Variants in PAPOLA observed in about 807,000 individuals in gnomAD.
PAPOLA encodes the protein polynucleotide adenylyltransferase alpha.
Under a neutral mutation model 100.6 loss-of-function variants are expected in PAPOLA, and 15 were observed. The ratio of observed to expected loss-of-function variants is 0.15; its 90% CI spans 0.10 to 0.23. PAPOLA has a LOEUF of 0.23. Ranked by LOEUF, PAPOLA falls within the 10% of genes least tolerant of loss-of-function variation. The probability of loss-of-function intolerance (pLI) is 1.00; values close to 1 mark genes in which losing one functional copy is unlikely to be tolerated. For missense variants in PAPOLA, 533 were observed against 884.2 expected, an observed-to-expected ratio of 0.60 and a Z score of 5.04; for synonymous variants, 293 against 300.0, an observed-to-expected ratio of 0.98 and a Z score of 0.24.
rs1343712703 is a variant in PAPOLA, at chr14:96,566,152, G to A, written c.*1102G>A. Reference sequence around the variant, plus strand: ...AAATTGATTTTCAGTTTTAAATGTGGGCAAAAAGGCATTTTCTCCAAGATT... The same window carrying A: ...AAATTGATTTTCAGTTTTAAATGTGAGCAAAAAGGCATTTTCTCCAAGATT... On this transcript the variant is annotated 3_prime_UTR_variant, in exon 22 of 22. Coordinates refer to ENST00000216277, the MANE Select transcript of PAPOLA (RefSeq NM_032632.5). 1.0e-5 allele frequency: 4 copies of A among 381,600 alleles called. No individual in the cohort carries two copies. The highest frequency in any genetic ancestry group is 4.2e-5 in the African/African-American group (2 of 48,118). The allele number at this position is 381,600 out of a possible 1,614,324, so 23.6% of individuals were successfully genotyped here.
intron 14 of PAPOLA, among the ~76,000 whole-genome samples, chr14:96,543,438 C>T (rs1900152412): frequency 6.6e-6 from 1 of 151,936 alleles, no homozygotes; most frequent in Non-Finnish European, 1.5e-5. Context: ...AGACTCTATA[C>T]TTTGTTGCAT....
rs541185605 is a variant in PAPOLA, at chr14:96,544,017, G to A, written c.1290-132G>A. The stretch of plus-strand genomic sequence containing the variant: ...GGTGAGGACTTTGCGTTTTCATGGA[G>A]CTTGGGCTTAGAACTTTTAGTTTGC... On this transcript the variant is annotated intron_variant, in intron 14 of 21. Transcript: ENST00000216277. 4.8e-6 allele frequency: 3 copies of A among 621,902 alleles called. No homozygotes were observed. The South Asian group carries it at 5.9e-5, about 12-fold the overall frequency. 38.5% of individuals were successfully genotyped at this position (621,902 alleles called of 1,614,324 possible).
intron 1 of PAPOLA, among the ~76,000 whole-genome samples, chr14:96,510,411 C>T (rs899761595): frequency 6.8e-6 from 1 of 146,836 alleles, no homozygotes; most frequent in East Asian, 2.0e-4. Flanking sequence ...TAGCAGTGTA[C>T]AATTTGGCTT....
At chr14:96,541,868 A>C (rs888875060) in intron 12 of PAPOLA, 1 of 161,012 alleles carries the variant, frequency 6.2e-6, no homozygotes, top group African/African-American at 2.4e-5. Flanking sequence ...GTCTAAAGCA[A>C]TGGTGTTTTG....
chr14:96,541,601 G>C (rs1899996227), intron 12 of PAPOLA, among the ~76,000 whole-genome samples: 1 of 151,986 alleles, frequency 6.6e-6, no homozygotes, highest in African/African-American at 2.4e-5. Flanking sequence ...GTGAAAACTT[G>C]GCTTTTGTCT....
At chr14:96,518,117 G>A (rs1897620520) in intron 1 of PAPOLA, among the ~76,000 whole-genome samples, 1 of 152,168 alleles carries the variant, frequency 6.6e-6, no homozygotes, top group African/African-American at 2.4e-5. Context: ...ATTTCTGCAA[G>A]AGATAAATCT....
chr14:96,511,582 G>A (rs567675562), intron 1 of PAPOLA, among the ~76,000 whole-genome samples: 3 of 152,052 alleles, frequency 2.0e-5, no homozygotes, highest in Non-Finnish European at 1.5e-5. Context: ...TTCTTTAATG[G>A]TTTTTTTCCC....
intron 1 of PAPOLA, among the ~76,000 whole-genome samples, chr14:96,506,235 T>C (rs1244745467): frequency 6.6e-6 from 1 of 152,114 alleles, no homozygotes; most frequent in Non-Finnish European, 1.5e-5. Flanking sequence ...TGCACACTCA[T>C]AGTTTAAAAA....
At chr14:96,522,116 C>CTTTCTT (rs1898039536) in intron 3 of PAPOLA, among the ~76,000 whole-genome samples, 1 of 57,844 alleles carries the variant, frequency 1.7e-5, no homozygotes, top group Non-Finnish European at 3.2e-5. Context: ...TTCTTTCTTT[C>CTTTCTT]TTTTTTTTTT....
intron 16 of PAPOLA, among the ~76,000 whole-genome samples, chr14:96,551,634 A>G (rs1391116895): frequency 6.6e-6 from 1 of 152,194 alleles, no homozygotes; most frequent in East Asian, 1.9e-4. Context: ...TCTGTAGGTA[A>G]GTGAACACAG....
intron 4 of PAPOLA, chr14:96,527,108 A>G (rs185319980): frequency 2.0e-4 from 52 of 264,330 alleles, no homozygotes; most frequent in Middle Eastern, 2.4e-3. Context: ...GAACATGGCT[A>G]TGACTAATGA....
chr14:96,545,719 A>G (rs1257553815), intron 15 of PAPOLA, among the ~76,000 whole-genome samples: 1 of 152,074 alleles, frequency 6.6e-6, no homozygotes, highest in East Asian at 1.9e-4. Context: ...AAAGATATAT[A>G]GTGTTTCTAG....
At position 96,536,002 on chromosome 14, in the gene PAPOLA, A is replaced by G. The variant is rs1011010274; in HGVS notation, c.1030+3A>G. The stretch of plus-strand genomic sequence containing the variant: ...CATGGTTGAGGAGTTTAAACAAGGT[A>G]AGTGTTTATCCTTATGCTCTGATTT... On this transcript the variant is annotated splice_donor_region_variant and intron_variant, in intron 11 of 21. Transcript: ENST00000216277. The G allele has an allele frequency of 2.5e-6, 4 of 1,596,146 alleles. No homozygotes were observed. The highest frequency in any genetic ancestry group is 3.4e-6 in the Non-Finnish European group (4 of 1,170,698).
chr14:96,541,026 A>T (rs903432299), intron 12 of PAPOLA, among the ~76,000 whole-genome samples: 7 of 152,148 alleles, frequency 4.6e-5, no homozygotes, highest in African/African-American at 1.7e-4. Context: ...AATAGCTGGG[A>T]CTATAGGTGC....
At chr14:96,536,290 C>G (rs1337560025) in intron 11 of PAPOLA, among the ~76,000 whole-genome samples, 2 of 152,038 alleles carry the variant, frequency 1.3e-5, no homozygotes, top group African/African-American at 4.8e-5. Flanking sequence ...TTTGTCTACA[C>G]TGGTTGAAAT....
chr14:96,514,201 C>T (rs1247013029), intron 1 of PAPOLA, among the ~76,000 whole-genome samples: 1 of 143,856 alleles, frequency 7.0e-6, no homozygotes, highest in Non-Finnish European at 1.5e-5. Flanking sequence ...TTTTTTGAGA[C>T]TGAGTCCTGT....
intron 14 of PAPOLA, among the ~76,000 whole-genome samples, chr14:96,543,432 T>A (rs948448569): frequency 6.6e-6 from 1 of 152,072 alleles, no homozygotes; most frequent in Non-Finnish European, 1.5e-5. Context: ...GAGACTAGAC[T>A]CTATACTTTG....
chr14:96,560,440 A>G (rs1232613420), intron 19 of PAPOLA: 1 of 467,580 alleles, frequency 2.1e-6, no homozygotes, highest in African/African-American at 2.0e-5. Context: ...CAGTTTTCCT[A>G]ATGCTCTTTT....
At chr14:96,508,753 T>C (rs187570037) in intron 1 of PAPOLA, among the ~76,000 whole-genome samples, 2 of 152,308 alleles carry the variant, frequency 1.3e-5, no homozygotes, top group African/African-American at 2.4e-5. Flanking sequence ...GTGTGTCTCT[T>C]TTATTCTGTA....
Sources: allele counts gnomAD v4.1 joint callset (sites outside exome capture counted in the v4.1 genomes callset), GRCh38; gene constraint gnomAD v4.1.1; transcripts MANE v1.5; gene names NCBI Gene and HGNC (gene_info 2026-07-23, HGNC 2026-07-21).